Variants in SMARCA2 observed in about 807,000 individuals in gnomAD.
The protein encoded by SMARCA2 is SWI/SNF related BAF chromatin remodeling complex subunit ATPase 2.
In SMARCA2, 61 loss-of-function variants were observed where a neutral mutation model predicts 199.8. The ratio of observed to expected loss-of-function variants is 0.31; its 90% CI spans 0.25 to 0.38. The LOEUF (loss-of-function observed/expected upper bound fraction) is 0.38. SMARCA2 is among the 10% of genes least tolerant of loss of function. The pLI, the probability that SMARCA2 is intolerant of heterozygous loss-of-function variation, is 1.00. For missense variants in SMARCA2, 1,344 were observed against 2,012.2 expected (o/e 0.67, Z 6.35); for synonymous variants, 935 against 732.0 (o/e 1.28, Z -4.48).
At chr9:2,120,568 G>A (rs949812678) in intron 26 of SMARCA2, among the ~76,000 whole-genome samples, 1 of 152,150 alleles carries the variant, frequency 6.6e-6, no homozygotes, top group African/African-American at 2.4e-5. Context: ...CACAGGGTTT[G>A]CAATCTCCAC....
intron 10 of SMARCA2, among the ~76,000 whole-genome samples, chr9:2,072,663 G>A (rs1821142940): frequency 6.6e-6 from 1 of 152,190 alleles, no homozygotes; most frequent in Non-Finnish European, 1.5e-5. Context: ...TTGAGGAATG[G>A]GGATTGTTAG....
At chr9:2,173,461 A>G (rs1003225905) in intron 29 of SMARCA2, among the ~76,000 whole-genome samples, 2 of 152,212 alleles carry the variant, frequency 1.3e-5, no homozygotes, top group Admixed American at 6.5e-5. Context: ...TAATTTCATT[A>G]TAGAGAAATT....
At chr9:2,036,869 G>T (rs535132898) in intron 3 of SMARCA2, among the ~76,000 whole-genome samples, 1 of 152,130 alleles carries the variant, frequency 6.6e-6, no homozygotes, top group African/African-American at 2.4e-5. Flanking sequence ...TTAAAAGAGT[G>T]ATTTAAGAAA....
chr9:2,112,472 G>A (rs574029549), intron 24 of SMARCA2, among the ~76,000 whole-genome samples: 75 of 151,642 alleles, frequency 4.9e-4, no homozygotes, highest in African/African-American at 1.4e-3. Context: ...ACCCCACCCC[G>A]CCTCTCATTT....
intron 23 of SMARCA2, among the ~76,000 whole-genome samples, chr9:2,107,470 A>G (rs974589817): frequency 6.6e-6 from 1 of 152,174 alleles, no homozygotes; most frequent in African/African-American, 2.4e-5. Context: ...GATGTGTGCC[A>G]CCATGCCCAG....
chr9:2,128,987 G>A (rs1368762532), intron 27 of SMARCA2, among the ~76,000 whole-genome samples: 4 of 152,154 alleles, frequency 2.6e-5, no homozygotes, highest in African/African-American at 9.7e-5. Context: ...TGGGGGTCCC[G>A]AGGCCCCCCA....
At chr9:2,131,549 TC>T (rs1289541542) in intron 27 of SMARCA2, among the ~76,000 whole-genome samples, 1 of 152,170 alleles carries the variant, frequency 6.6e-6, no homozygotes, top group Non-Finnish European at 1.5e-5. Context: ...ACCCTCCTTT[TC>T]CTTGACCAGT....
chr9:2,152,713 G>A lies in SMARCA2; in HGVS notation c.3982-8973G>A, dbSNP rs374329542. ...CTAAAAATATAAAAATTAGCCAGGCGTGGTGGTGCACACCTTTAGTCCCAG... is the reference window on the plus strand; with the variant it reads ...CTAAAAATATAAAAATTAGCCAGGCATGGTGGTGCACACCTTTAGTCCCAG... On this transcript the variant is annotated intron_variant, in intron 27 of 33. Coordinates refer to ENST00000349721, the MANE Select transcript of SMARCA2 (RefSeq NM_003070.5). Among the ~76,000 whole-genome samples the A allele has an allele frequency of 1.6e-4, 24 of 152,132 alleles. No individual in the cohort carries two copies. In the South Asian group the frequency reaches 4.8e-3, roughly 30 times the overall value.
At chr9:2,159,095 T>C in intron 27 of SMARCA2, 1 of 1,311,914 alleles carries the variant, frequency 7.6e-7, no homozygotes, top group Admixed American at 2.2e-5. Flanking sequence ...TTAATTTGTT[T>C]TCGCTTCTTA....
chr9:2,073,190 C>G (rs1345321023), intron 10 of SMARCA2, 22 bp from the exon 11 acceptor site: 48 of 1,613,476 alleles, frequency 3.0e-5, no homozygotes, highest in Non-Finnish European at 4.1e-5. Context: ...GAAACCGTGA[C>G]ATGATTTTCC....
At chr9:2,171,501 G>A (rs998535088) in intron 29 of SMARCA2, among the ~76,000 whole-genome samples, 14 of 152,080 alleles carry the variant, frequency 9.2e-5, no homozygotes, top group Non-Finnish European at 7.4e-5. Flanking sequence ...TGAAACTGTC[G>A]GGCAAGATTG....
Position 2,029,156 on chromosome 9 carries a change from G to A in SMARCA2, c.134G>A (p.Gly45Glu), listed in dbSNP as rs1219506276. ...PSPGSVHSMM[G>E]PSPGPPSVSH... ...CCAGGTTCCGTCCACAGCATGATGG[G>A]GCCAAGTCCTGGACCTCCAAGTGTC... Residue 45 changes from glycine (G) to glutamate (E), a missense_variant, in exon 2 of 34, where the codon GGG (glycine) becomes GAG (glutamate). Physicochemically the swap from Gly to Glu is moderately conservative, Grantham distance 98 (BLOSUM62 -2). Transcript: ENST00000349721. The A allele has an allele frequency of 6.2e-7, 1 of 1,613,026 alleles. No individual in the cohort carries two copies. Among genetic ancestry groups the A allele is most frequent in the Non-Finnish European group, 8.5e-7 (1 of 1,179,546 alleles).
At chr9:2,063,845 A>G (rs1425635972) in intron 9 of SMARCA2, among the ~76,000 whole-genome samples, 2 of 151,884 alleles carry the variant, frequency 1.3e-5, no homozygotes, top group African/African-American at 2.4e-5. Flanking sequence ...TTCCTTTAAC[A>G]TGTTATGACC....
At chr9:2,146,044 G>C (rs904168555) in intron 27 of SMARCA2, among the ~76,000 whole-genome samples, 1 of 152,146 alleles carries the variant, frequency 6.6e-6, no homozygotes, top group African/African-American at 2.4e-5. Flanking sequence ...CGCATAGCTG[G>C]GTGTCTTAGT....
At position 2,039,075 on chromosome 9, in the gene SMARCA2, C is replaced by T. The variant is rs1043162338; in HGVS notation, c.356-391C>T. Among the ~76,000 whole-genome samples, 11 of 151,906 alleles carry T rather than the reference C, an allele frequency of 7.2e-5. No homozygotes were observed. Among genetic ancestry groups the T allele is most frequent in the Admixed American group, 5.2e-4 (8 of 15,242 alleles). On this transcript the variant is annotated intron_variant, in intron 3 of 33. Coordinates refer to ENST00000349721, the MANE Select transcript of SMARCA2 (RefSeq NM_003070.5). The surrounding 1 kb of genome is among the most constrained non-coding windows in gnomAD (Gnocchi z 4.8). ...TTGATCACTTGAAGTGTGGTTAGTTCGAATTGAGATGTCCTTTAAGTGTAA... is the reference window on the plus strand; with the variant it reads ...TTGATCACTTGAAGTGTGGTTAGTTTGAATTGAGATGTCCTTTAAGTGTAA...
intron 3 of SMARCA2, among the ~76,000 whole-genome samples, chr9:2,037,683 C>A (rs1188431442): frequency 6.6e-6 from 1 of 152,188 alleles, no homozygotes; most frequent in East Asian, 1.9e-4. Flanking sequence ...TTCGGGCATG[C>A]AGCAGGAATT....
intron 7 of SMARCA2, among the ~76,000 whole-genome samples, chr9:2,057,546 A>G (rs1262482332): frequency 1.3e-5 from 2 of 152,234 alleles, no homozygotes; most frequent in African/African-American, 4.8e-5. Context: ...AGGAACTTGG[A>G]AAAGGAAAGT....
intron 31 of SMARCA2, among the ~76,000 whole-genome samples, chr9:2,185,018 TAAATTTTTA>T (rs770590810): frequency 6.6e-6 from 1 of 152,240 alleles, no homozygotes; most frequent in South Asian, 2.1e-4. Context: ...TATTTTCCTT[TAAATTTTTA>T]AAACACTGTG....
intron 6 of SMARCA2, chr9:2,055,595 A>ACTC (rs1820317553): frequency 6.6e-6 from 1 of 152,230 alleles, no homozygotes; most frequent in Admixed American, 6.5e-5. Flanking sequence ...GACTAAAATC[A>ACTC]CAGGCCACTC....
Sources: allele counts gnomAD v4.1 joint callset (sites outside exome capture counted in the v4.1 genomes callset), GRCh38; gene constraint gnomAD v4.1.1; non-coding constraint Gnocchi (gnomAD v3.1); transcripts MANE v1.5; gene names NCBI Gene and HGNC (gene_info 2026-07-23, HGNC 2026-07-21).